Variants in NRP2 observed in about 807,000 individuals in gnomAD.
NRP2 encodes the protein neuropilin-2.
A neutral mutation model predicts 110.4 loss-of-function variants in NRP2; 52 were observed. That is an observed-to-expected ratio of 0.47 (90% confidence interval 0.38 to 0.59). The LOEUF (loss-of-function observed/expected upper bound fraction) is 0.59, where lower values mean the gene tolerates loss of function less well. Among genes scored for constraint, NRP2 ranks in the 20% least tolerant of loss-of-function variants. The pLI, the probability that NRP2 is intolerant of heterozygous loss-of-function variation, is 0.00. For missense variants in NRP2, 1,049 were observed against 1,203.0 expected, an observed-to-expected ratio of 0.87 and a Z score of 1.89; for synonymous variants, 508 against 468.9, an observed-to-expected ratio of 1.08 and a Z score of -1.08.
At chr2:205,769,543 C>T (rs1186988282) in intron 15 of NRP2, among the ~76,000 whole-genome samples, 1 of 151,354 alleles carries the variant, frequency 6.6e-6, no homozygotes. Context: ...CACACACAGA[C>T]ACATTGTGTG....
chr2:205,763,583 TC>T lies in NRP2; in HGVS notation c.2045-88del. 6.4e-7 allele frequency: 1 copy of T among 1,556,816 alleles called. No homozygotes were observed. The highest frequency in any genetic ancestry group is 8.9e-7 in the Non-Finnish European group (1 of 1,129,836). On this transcript the variant is annotated intron_variant, in intron 12 of 16. Coordinates refer to ENST00000357785, the MANE Select transcript of NRP2 (RefSeq NM_003872.3). This position sits in a 1 kb window ranked among gnomAD's most constrained non-coding sequence, Gnocchi z 4.0. ...ATAAACCAAAGACACCGAAACTCAG[TC>T]CCAACTTTCCCTTGGAGAGGCCACA...
chr2:205,686,249 C>A lies in NRP2; in HGVS notation c.73+2886C>A, dbSNP rs1205202427. Among the ~76,000 whole-genome samples the A allele has an allele frequency of 6.6e-6, 1 of 152,116 alleles. No homozygotes were observed. Among genetic ancestry groups the A allele is most frequent in the Non-Finnish European group, 1.5e-5 (1 of 68,004 alleles). ...TCCTCCTCCTCCTCCTAAGGACACC[C>A]CCAGGGAAAAGCCTGCGGCATTTCT... is the stretch of plus-strand genomic sequence containing the variant. On this transcript the variant is annotated intron_variant, in intron 1 of 16. Coordinates refer to ENST00000357785, the MANE Select transcript of NRP2 (RefSeq NM_003872.3). This position sits in a 1 kb window ranked among gnomAD's most constrained non-coding sequence, Gnocchi z 4.7.
chr2:205,753,057 T>G, intron 12 of NRP2, 82 bp downstream of exon 12: 1 of 1,558,458 alleles, frequency 6.4e-7, no homozygotes, highest in Admixed American at 1.7e-5. Flanking sequence ...CCTTACAAGC[T>G]TCATAACTTC....
At position 205,797,691 on chromosome 2, in the gene NRP2, T is replaced by A. The variant is rs2058361980; in HGVS notation, c.*2633T>A. The A allele has an allele frequency of 6.5e-6, 1 of 152,708 alleles. No individual in the cohort carries two copies. Among genetic ancestry groups the A allele is most frequent in the Admixed American group, 6.5e-5 (1 of 15,284 alleles). The allele number at this position is 152,708 out of a possible 1,614,324, so 9.5% of individuals were successfully genotyped here. The stretch of plus-strand genomic sequence containing the variant: ...GACACCTTGGTGTGTTTGTTATCTT[T>A]ATCTGTGGGTAGGCTAGCTGACCCA... On this transcript the variant is annotated 3_prime_UTR_variant, in exon 17 of 17. Coordinates refer to ENST00000357785, the MANE Select transcript of NRP2 (RefSeq NM_003872.3).
rs946599284 is a variant in NRP2 at position 205,683,274 on chromosome 2, G to T, written c.-17G>T. 1 of 1,602,250 alleles carries T rather than the reference G, an allele frequency of 6.2e-7. No individual in the cohort carries two copies. Among genetic ancestry groups the T allele is most frequent in the Non-Finnish European group, 8.5e-7 (1 of 1,169,590 alleles). Reference sequence around the variant, plus strand: ...AAACCTACGAACCCAGCTCTGGAAAGAGCCACCTTCTCCAAAATGGATATG... The same window carrying T: ...AAACCTACGAACCCAGCTCTGGAAATAGCCACCTTCTCCAAAATGGATATG... On this transcript the variant is annotated 5_prime_UTR_variant, in exon 1 of 17. Transcript: ENST00000357785.
chr2:205,718,546 G>A (rs1033861722), intron 3 of NRP2, among the ~76,000 whole-genome samples: 4 of 152,150 alleles, frequency 2.6e-5, no homozygotes, highest in Non-Finnish European at 5.9e-5. Context: ...CACACTCCTG[G>A]CAATGTAAGA....
chr2:205,703,534 A>T (rs2105755304), intron 2 of NRP2, among the ~76,000 whole-genome samples: 1 of 152,244 alleles, frequency 6.6e-6, no homozygotes. Context: ...CTAGTTTTCA[A>T]TCTCTGCTTT....
At chr2:205,685,695 G>T (rs1168281844) in intron 1 of NRP2, 2 of 152,004 alleles carry the variant, frequency 1.3e-5, no homozygotes, top group South Asian at 2.0e-4. Flanking sequence ...TCCCTGCCCC[G>T]GGCGCCCCCG....
At chr2:205,694,090 A>G (rs898759572) in intron 1 of NRP2, among the ~76,000 whole-genome samples, 2 of 152,214 alleles carry the variant, frequency 1.3e-5, no homozygotes, top group African/African-American at 4.8e-5. Context: ...TCCTAAGTGA[A>G]GGGGTACAAC....
intron 7 of NRP2, among the ~76,000 whole-genome samples, chr2:205,735,709 G>C (rs2057330647): frequency 6.6e-6 from 1 of 151,894 alleles, no homozygotes; most frequent in Non-Finnish European, 1.5e-5. Context: ...AGAAAATCCA[G>C]GAAATGCTGA....
chr2:205,761,661 T>A (rs530242443), intron 12 of NRP2, among the ~76,000 whole-genome samples: 18 of 152,340 alleles, frequency 1.2e-4, no homozygotes, highest in African/African-American at 4.3e-4. Context: ...GGAAGCCAGT[T>A]TGCCTCAAAC....
intron 7 of NRP2, among the ~76,000 whole-genome samples, chr2:205,739,454 C>A (rs949354684): frequency 6.6e-6 from 1 of 152,116 alleles, no homozygotes; most frequent in Non-Finnish European, 1.5e-5. Context: ...CTGTTGGTGC[C>A]CCCAAACACT....
intron 15 of NRP2, chr2:205,779,824 T>C (rs965505997): frequency 1.3e-5 from 2 of 152,222 alleles, no homozygotes; most frequent in African/African-American, 4.8e-5. Context: ...ACAGGGCATT[T>C]CTGTGGGAGG....
intron 16 of NRP2, among the ~76,000 whole-genome samples, chr2:205,794,027 A>G (rs571007962): frequency 1.3e-5 from 2 of 152,310 alleles, no homozygotes; most frequent in Admixed American, 6.5e-5. Flanking sequence ...TGCCTTGAAC[A>G]CAAGGCCATC....
chr2:205,732,698 C>T (rs1187388034), intron 7 of NRP2, among the ~76,000 whole-genome samples: 1 of 152,164 alleles, frequency 6.6e-6, no homozygotes, highest in Non-Finnish European at 1.5e-5. Context: ...TATTTATGGG[C>T]CTCTTTTAAA....
chr2:205,792,167 C>A, intron 15 of NRP2, 68 bp from the exon 16 acceptor site: 1 of 1,043,094 alleles, frequency 9.6e-7, no homozygotes, highest in Non-Finnish European at 1.5e-6. Context: ...GTAAAGATTG[C>A]CTCCCTGCCT....
At chr2:205,765,654 T>C in intron 14 of NRP2, 84 bp downstream of exon 14, 1 of 1,165,742 alleles carries the variant, frequency 8.6e-7, no homozygotes, top group Non-Finnish European at 1.3e-6. Context: ...GACACCATTT[T>C]CCAATGCAGT....
intron 15 of NRP2, among the ~76,000 whole-genome samples, chr2:205,785,533 A>G (rs1312480454): frequency 2.0e-5 from 3 of 152,224 alleles, no homozygotes; most frequent in African/African-American, 7.2e-5. Flanking sequence ...TCTACTTACA[A>G]CAATGGAGAA....
chr2:205,779,109 C>T (rs1310034431), intron 15 of NRP2: 1 of 152,164 alleles, frequency 6.6e-6, no homozygotes, highest in Non-Finnish European at 1.5e-5. Flanking sequence ...AGTTGCTTCT[C>T]AGAAGACAAA....
Sources: gnomAD v4.1 joint callset for allele counts (sites outside exome capture counted in the v4.1 genomes callset) on GRCh38, gnomAD v4.1.1 for gene constraint, Gnocchi (gnomAD v3.1) non-coding constraint, MANE v1.5 for transcripts, NCBI Gene and HGNC (gene_info 2026-07-23, HGNC 2026-07-21) for gene names.